Variants in GBX2 observed in about 807,000 individuals in gnomAD.
GBX2 encodes the protein gastrulation brain homeobox 2, also known as homeobox protein GBX-2.
In GBX2, 5 loss-of-function variants were observed where a neutral mutation model predicts 22.4. The observed-to-expected ratio is 0.22, with a 90% CI of 0.12 to 0.47. The LOEUF (loss-of-function observed/expected upper bound fraction) is 0.47, where lower values mean the gene tolerates loss of function less well. Ranked by LOEUF, GBX2 falls within the 20% of genes least tolerant of loss-of-function variation. The probability of loss-of-function intolerance (pLI) is 0.99; values close to 1 mark genes in which losing one functional copy is unlikely to be tolerated. For synonymous variants in GBX2, 220 were observed against 230.5 expected (o/e 0.95, Z 0.41); for missense variants, 470 against 495.4 (o/e 0.95, Z 0.49).
At chr2:236,164,231 G>C (rs959330155), downstream of GBX2, among the ~76,000 whole-genome samples, 5 of 152,060 alleles carry the variant, frequency 3.3e-5, no homozygotes, top group Admixed American at 6.5e-5. Flanking sequence ...GAACCTCGCC[G>C]AGGGCCGAGC....
In GBX2 at chr2:236,167,738, G is replaced by C; in HGVS notation, c.234C>G (p.His78Gln). Reference sequence around the variant, plus strand: ...GCAGGCTGGGGATCTGGTGGTGAGGGTGTGCGGGCGGCAGCGCTGGCTGCA... The same window carrying C: ...GCAGGCTGGGGATCTGGTGGTGAGGCTGTGCGGGCGGCAGCGCTGGCTGCA... The part of the protein sequence containing the change: ...AALQPALPPA[H>Q]PHHQIPSLPT... The change falls in exon 1 of 2, where the codon CAC (histidine) becomes CAG (glutamine). Residue 78 changes from histidine (H) to glutamine (Q), a missense_variant. Around this residue, in one of 4 missense-constraint regions of GBX2, gnomAD observed 377 missense variants for 358.6 expected, o/e 1.05. Coordinates refer to ENST00000306318, the MANE Select transcript of GBX2 (RefSeq NM_001485.4). 6.6e-7 allele frequency: 1 copy of C among 1,507,298 alleles called. No individual in the cohort carries two copies. Among genetic ancestry groups the C allele is most frequent in the Non-Finnish European group, 8.8e-7 (1 of 1,132,606 alleles). The allele number at this position is 1,507,298 out of a possible 1,614,324, so 93.4% of individuals were successfully genotyped here. A position where few individuals can be genotyped will look rare whatever the true frequency, so the allele number is the denominator to read the frequency against.
chr2:236,163,771 C>T (rs2060223159), downstream of GBX2, among the ~76,000 whole-genome samples: 1 of 152,192 alleles, frequency 6.6e-6, no homozygotes, highest in South Asian at 2.1e-4. Context: ...TGGGTACCTG[C>T]CCCGAGCAGC....
chr2:236,166,130 G>C lies in GBX2; in HGVS notation c.831C>G (p.Arg277=). The stretch of plus-strand genomic sequence containing the variant: ...GTTTGAGGGCGTGGGCGATCTGCGA[G>C]CGCTCGGTCAAGGAGAGGTACTTTT... ...HCKKYLSLTE[R]SQIAHALKLS... Residue 277 remains arginine (R), a synonymous_variant, in exon 2 of 2, where the codon CGC becomes CGG. Transcript: ENST00000306318. This position sits in a 1 kb window ranked among gnomAD's most constrained non-coding sequence, Gnocchi z 6.6. 6.2e-7 allele frequency: 1 copy of C among 1,614,238 alleles called. No homozygotes were observed. The highest frequency in any genetic ancestry group is 8.5e-7 in the Non-Finnish European group (1 of 1,180,044).
rs947273181 is a variant in GBX2 at position 236,168,380 on chromosome 2, C to G, written c.-409G>C. 13 of 156,340 alleles carry G rather than the reference C, an allele frequency of 8.3e-5. No homozygotes were observed. The highest frequency in any genetic ancestry group is 3.1e-4 in the African/African-American group (13 of 41,668). The allele number at this position is 156,340 out of a possible 1,614,324, so 9.7% of individuals were successfully genotyped here. A position where few individuals can be genotyped will look rare whatever the true frequency, so the allele number is the denominator to read the frequency against. On this transcript the variant is annotated 5_prime_UTR_variant, in exon 1 of 2. Transcript: ENST00000306318. ...ACTTATCTCCGGCGGGCGCAGCCAG[C>G]ACCTTTAAATCGCGCTCCTCTTTCT... is the stretch of plus-strand genomic sequence containing the variant.
At chr2:236,163,406 A>G (rs1014292771), downstream of GBX2, among the ~76,000 whole-genome samples, 3 of 152,118 alleles carry the variant, frequency 2.0e-5, no homozygotes, top group African/African-American at 7.2e-5. Flanking sequence ...CGGTCCCAGG[A>G]GCGGGGCTTC....
Position 236,165,359 on chromosome 2 carries a change from T to C in GBX2, c.*555A>G, listed in dbSNP as rs1437853690. ...TAACACAACGGAGACGTGCTTCACA[T>C]GGCTCAGATAGGATAGGCAACCCCA... On this transcript the variant is annotated 3_prime_UTR_variant, in exon 2 of 2. Coordinates refer to ENST00000306318, the MANE Select transcript of GBX2 (RefSeq NM_001485.4). The C allele has an allele frequency of 6.5e-6, 1 of 152,826 alleles. No individual in the cohort carries two copies. The highest frequency in any genetic ancestry group is 1.5e-5 in the Non-Finnish European group (1 of 68,500). 9.5% of individuals were successfully genotyped at this position (152,826 alleles called of 1,614,324 possible). A position where few individuals can be genotyped will look rare whatever the true frequency, so the allele number is the denominator to read the frequency against.
chr2:236,167,570 G>A lies in GBX2; in HGVS notation c.402C>T (p.Gly134=). ...CCTCCGCCTTGTCGAAGTTACCGCC[G>A]CCGGGCAGCGGCTGCGGCGCGAACT... ...ARKFAPQPLP[G]GGNFDKAEAL... Residue 134 remains glycine (G), a synonymous_variant, in exon 1 of 2, where the codon GGC becomes GGT. Transcript: ENST00000306318. The A allele has an allele frequency of 6.3e-7, 1 of 1,597,470 alleles. No individual in the cohort carries two copies. Among genetic ancestry groups the A allele is most frequent in the Non-Finnish European group, 8.5e-7 (1 of 1,174,782 alleles).
rs1190712490 is a variant in GBX2, at chr2:236,166,663, T to C, written c.524-226A>G. ...AGGAGGCAGTACAGGCGACGGCCCT[T>C]TGCCCAGAACCATCACTCAAAGGGC... On this transcript the variant is annotated intron_variant, in intron 1 of 1. Transcript: ENST00000306318. This position sits in a 1 kb window ranked among gnomAD's most constrained non-coding sequence, Gnocchi z 6.6. Among the ~76,000 whole-genome samples the C allele has an allele frequency of 2.0e-5, 3 of 152,020 alleles. No individual in the cohort carries two copies. Among genetic ancestry groups the C allele is most frequent in the African/African-American group, 7.2e-5 (3 of 41,402 alleles).
At chr2:236,164,938 C>A (rs977546416), downstream of GBX2, among the ~76,000 whole-genome samples, 1 of 152,220 alleles carries the variant, frequency 6.6e-6, no homozygotes, top group Non-Finnish European at 1.5e-5. Flanking sequence ...CTCCTCCGGG[C>A]ACCCACCTCC....
intron 1 of GBX2, 165 bp downstream of exon 1, chr2:236,167,284 C>A (rs1559318398): frequency 1.4e-6 from 2 of 1,393,918 alleles, no homozygotes; most frequent in East Asian, 2.5e-5. Flanking sequence ...CTCTGAATGT[C>A]CCCCGGAGGC....
In GBX2 at chr2:236,165,965, G is replaced by A. The variant is rs780526790; in HGVS notation, c.996C>T (p.Ser332=). Residue 332 remains serine, a synonymous_variant, in exon 2 of 2, where the codon AGC becomes AGT. Transcript: ENST00000306318. The part of the protein sequence containing the change: ...KIVVPIPVHV[S]RFAIRSQHQQ... ...GATGCTGACTTCTGATAGCGAACCTGCTGACGTGGACAGGGATGGGGACGA... is the reference window on the plus strand; with the variant it reads ...GATGCTGACTTCTGATAGCGAACCTACTGACGTGGACAGGGATGGGGACGA... 6.2e-7 allele frequency: 1 copy of A among 1,614,028 alleles called. No individual in the cohort carries two copies. Among genetic ancestry groups the A allele is most frequent in the Admixed American group, 1.7e-5 (1 of 60,016 alleles).
Position 236,167,521 on chromosome 2 carries a change from C to T in GBX2, c.451G>A (p.Gly151Ser). 1 of 1,597,384 alleles carries T rather than the reference C, an allele frequency of 6.3e-7. No individual in the cohort carries two copies. The highest frequency in any genetic ancestry group is 8.5e-7 in the Non-Finnish European group (1 of 1,175,332). Reference protein sequence around the residue: ...AEALQADAEDGKGFLAKEGSL... With the variant: ...AEALQADAEDSKGFLAKEGSL... Reference sequence around the variant, plus strand: ...CCCTCTTTGGCCAGGAAGCCTTTGCCGTCCTCCGCGTCAGCCTGCAGCGCC... The same window carrying T: ...CCCTCTTTGGCCAGGAAGCCTTTGCTGTCCTCCGCGTCAGCCTGCAGCGCC... Residue 151 changes from glycine (G) to serine (S), a missense_variant, in exon 1 of 2, where the codon GGC (glycine) becomes AGC (serine). Gly to Ser is a moderately conservative substitution (Grantham distance 56). Around this residue, in one of 4 missense-constraint regions of GBX2, gnomAD observed 377 missense variants for 358.6 expected, o/e 1.05. Coordinates refer to ENST00000306318, the MANE Select transcript of GBX2 (RefSeq NM_001485.4).
chr2:236,166,560 T>G lies in GBX2; in HGVS notation c.524-123A>C. ...CACCCTTTAGCGGATTGTCTTTCTA[T>G]GACATTAACACATTGTGATTTCCTG... On this transcript the variant is annotated intron_variant, in intron 1 of 1. Transcript: ENST00000306318. This position sits in a 1 kb window ranked among gnomAD's most constrained non-coding sequence, Gnocchi z 6.6. The G allele has an allele frequency of 3.6e-6, 3 of 838,452 alleles. No individual in the cohort carries two copies. The highest frequency in any genetic ancestry group is 5.7e-6 in the Non-Finnish European group (3 of 527,260). The allele number at this position is 838,452 out of a possible 1,614,324, so 51.9% of individuals were successfully genotyped here.
In GBX2 at chr2:236,166,314, T is replaced by C. The variant is rs921209289; in HGVS notation, c.647A>G (p.Gln216Arg). ...CGGGTCTTCCTCCTTGTGAGCTGCCTGGCCAGTCAGATTGTCATCCGAGCT... is the reference window on the plus strand; with the variant it reads ...CGGGTCTTCCTCCTTGTGAGCTGCCCGGCCAGTCAGATTGTCATCCGAGCT... Reference protein sequence around the residue: ...DYSSDDNLTGQAAHKEEDPGH... With the variant: ...DYSSDDNLTGRAAHKEEDPGH... The change falls in exon 2 of 2, where the codon CAG (glutamine) becomes CGG (arginine). Residue 216 changes from glutamine (Q) to arginine (R), a missense_variant. Gln to Arg is a conservative substitution (Grantham distance 43). Coordinates refer to ENST00000306318, the MANE Select transcript of GBX2 (RefSeq NM_001485.4). This position sits in a 1 kb window ranked among gnomAD's most constrained non-coding sequence, Gnocchi z 6.6. 2 of 1,613,878 alleles carry C rather than the reference T, an allele frequency of 1.2e-6. No individual in the cohort carries two copies. Among genetic ancestry groups the C allele is most frequent in the African/African-American group, 2.7e-5 (2 of 74,938 alleles).
chr2:236,167,241 GC>G (rs1411181749), intron 1 of GBX2: 25 of 1,489,532 alleles, frequency 1.7e-5, no homozygotes, highest in Non-Finnish European at 2.1e-5. Context: ...GGCGCTAAAC[GC>G]CCCCCCTCCC....
At chr2:236,163,533 G>A (rs2060222314), downstream of GBX2, among the ~76,000 whole-genome samples, 1 of 152,214 alleles carries the variant, frequency 6.6e-6, no homozygotes, top group South Asian at 2.1e-4. Context: ...AGGCGGGTGG[G>A]GTTACACCTG....
At chr2:236,164,860 T>C (rs561627447), downstream of GBX2, among the ~76,000 whole-genome samples, 1 of 152,284 alleles carries the variant, frequency 6.6e-6, no homozygotes, top group East Asian at 1.9e-4. Context: ...AGACGTTTCC[T>C]CCCTGGCTGT....
chr2:236,167,178 G>C (rs890485996), intron 1 of GBX2: 2 of 1,535,414 alleles, frequency 1.3e-6, no homozygotes, highest in Non-Finnish European at 1.7e-6. Context: ...AGGCGGCCTC[G>C]GCCAAACGCA....
In GBX2 at chr2:236,166,878, G is replaced by C. The variant is rs1009946192; in HGVS notation, c.524-441C>G. Among the ~76,000 whole-genome samples, 3 of 152,178 alleles carry C rather than the reference G, an allele frequency of 2.0e-5. No individual in the cohort carries two copies. Among genetic ancestry groups the C allele is most frequent in the Non-Finnish European group, 4.4e-5 (3 of 68,042 alleles). ...AGTGAACCTCAATTGCTTCCTAACC[G>C]GAGTGGAGGCGTAGGGACGTGCAGA... On this transcript the variant is annotated intron_variant, in intron 1 of 1. Transcript: ENST00000306318. The surrounding 1 kb of genome is among the most constrained non-coding windows in gnomAD (Gnocchi z 6.6).
Sources: allele counts gnomAD v4.1 joint callset (sites outside exome capture counted in the v4.1 genomes callset), GRCh38; gene constraint gnomAD v4.1.1; regional missense constraint gnomAD v4.1.1; non-coding constraint Gnocchi (gnomAD v3.1); transcripts MANE v1.5; gene names NCBI Gene and HGNC (gene_info 2026-07-23, HGNC 2026-07-21).